PRDM5: variants seen among roughly 807,000 people sequenced by gnomAD.
PRDM5 encodes the protein PR domain zinc finger protein 5.
In PRDM5, 56 loss-of-function variants were observed where a neutral mutation model predicts 81.2. That is an observed-to-expected ratio of 0.69 (90% CI 0.56 to 0.86). The LOEUF (loss-of-function observed/expected upper bound fraction) is 0.86, where lower values mean the gene tolerates loss of function less well. Ranked by LOEUF, PRDM5 falls within the 40% of genes least tolerant of loss-of-function variation. PRDM5 has a pLI of 0.00. For missense variants in PRDM5, 697 were observed against 770.1 expected (o/e 0.91, Z 1.12); for synonymous variants, 267 against 256.4 (o/e 1.04, Z -0.39).
At chr4:120,766,448 G>C (rs1210538120) in intron 13 of PRDM5, among the ~76,000 whole-genome samples, 1 of 152,106 alleles carries the variant, frequency 6.6e-6, no homozygotes, top group Non-Finnish European at 1.5e-5. Flanking sequence ...CTAATTTTAC[G>C]GTAGCAAAGT....
At chr4:120,815,632 T>A (rs1754385089) in intron 7 of PRDM5, among the ~76,000 whole-genome samples, 1 of 152,174 alleles carries the variant, frequency 6.6e-6, no homozygotes. Flanking sequence ...GAAATCCACT[T>A]TCCCCCACAT....
At chr4:120,900,083 C>T (rs934421423) in intron 2 of PRDM5, among the ~76,000 whole-genome samples, 12 of 152,178 alleles carry the variant, frequency 7.9e-5, no homozygotes, top group Admixed American at 6.5e-4. Context: ...GGGTGCACCA[C>T]CCTCCAGAAA....
At chr4:120,711,175 C>T (rs970623115) in intron 14 of PRDM5, among the ~76,000 whole-genome samples, 10 of 152,028 alleles carry the variant, frequency 6.6e-5, no homozygotes, top group Non-Finnish European at 1.5e-4. Flanking sequence ...GTTTGAGAAC[C>T]CTTGATCTAG....
intron 5 of PRDM5, among the ~76,000 whole-genome samples, chr4:120,817,286 T>G (rs576117653): frequency 1.3e-5 from 2 of 152,286 alleles, no homozygotes; most frequent in African/African-American, 4.8e-5. Context: ...TTAAGCACAA[T>G]TTTCATCTCA....
chr4:120,749,437 T>A (rs1022691480), intron 14 of PRDM5, among the ~76,000 whole-genome samples: 4 of 152,060 alleles, frequency 2.6e-5, no homozygotes, highest in African/African-American at 9.7e-5. Flanking sequence ...CAGGATACCT[T>A]AGAGAGCCCC....
chr4:120,842,629 C>T (rs1056782346), intron 3 of PRDM5, among the ~76,000 whole-genome samples: 8 of 152,140 alleles, frequency 5.3e-5, no homozygotes, highest in African/African-American at 1.9e-4. Context: ...GATTTCAATT[C>T]TAGGAGTCTT....
chr4:120,719,848 T>C (rs1738326556), intron 14 of PRDM5, among the ~76,000 whole-genome samples: 1 of 152,218 alleles, frequency 6.6e-6, no homozygotes, highest in African/African-American at 2.4e-5. Flanking sequence ...CATGCTATTC[T>C]AAAACTTAAA....
chr4:120,766,980 T>C (rs1746474664), intron 13 of PRDM5, among the ~76,000 whole-genome samples: 2 of 152,086 alleles, frequency 1.3e-5, no homozygotes, highest in Non-Finnish European at 2.9e-5. Flanking sequence ...CAAAGTCTTG[T>C]CAGACTACAG....
At chr4:120,861,972 C>A (rs890246077) in intron 2 of PRDM5, among the ~76,000 whole-genome samples, 6 of 152,108 alleles carry the variant, frequency 3.9e-5, no homozygotes, top group Non-Finnish European at 8.8e-5. Context: ...AATTCCTCTC[C>A]TAACTGCATA....
At chr4:120,724,965 C>G (rs1341247658) in intron 14 of PRDM5, among the ~76,000 whole-genome samples, 2 of 152,148 alleles carry the variant, frequency 1.3e-5, no homozygotes, top group Non-Finnish European at 2.9e-5. Context: ...CTGCCCCAGT[C>G]AAACTTAAAA....
chr4:120,912,851 G>C (rs952851485), intron 1 of PRDM5, among the ~76,000 whole-genome samples: 3 of 152,156 alleles, frequency 2.0e-5, no homozygotes, highest in African/African-American at 7.2e-5. Context: ...ATTTATATTT[G>C]AAATAATGAT....
At chr4:120,778,774 AT>A (rs1748569559) in intron 12 of PRDM5, among the ~76,000 whole-genome samples, 1 of 152,070 alleles carries the variant, frequency 6.6e-6, no homozygotes, top group Admixed American at 6.6e-5. Flanking sequence ...TTAACTTTCC[AT>A]TTTTACTACA....
chr4:120,796,718 T>C (rs1751398380), intron 10 of PRDM5, among the ~76,000 whole-genome samples: 1 of 152,192 alleles, frequency 6.6e-6, no homozygotes, highest in African/African-American at 2.4e-5. Context: ...GTTTATTCTT[T>C]GGTAAATCTG....
intron 14 of PRDM5, among the ~76,000 whole-genome samples, chr4:120,742,914 A>T (rs867420868): frequency 1.3e-5 from 2 of 152,284 alleles, no homozygotes; most frequent in South Asian, 4.1e-4. Context: ...GTTCAGGTTC[A>T]GGAAATACAG....
At chr4:120,711,715 T>C (rs972160577) in intron 14 of PRDM5, among the ~76,000 whole-genome samples, 2 of 152,234 alleles carry the variant, frequency 1.3e-5, no homozygotes, top group African/African-American at 2.4e-5. Flanking sequence ...AAAGAAAACT[T>C]AAGGCAAAGA....
intron 3 of PRDM5, among the ~76,000 whole-genome samples, chr4:120,849,450 C>A (rs1421296724): frequency 1.3e-5 from 2 of 152,136 alleles, no homozygotes; most frequent in East Asian, 1.9e-4. Flanking sequence ...TATCTTGGCT[C>A]AATACCCAGT....
chr4:120,886,832 T>C (rs755228566), intron 2 of PRDM5, among the ~76,000 whole-genome samples: 22 of 152,130 alleles, frequency 1.4e-4, no homozygotes, highest in Non-Finnish European at 5.9e-5. Context: ...CTACCCCACC[T>C]TGTCATCCCT....
intron 11 of PRDM5, among the ~76,000 whole-genome samples, chr4:120,781,620 T>C (rs1039677693): frequency 6.6e-6 from 1 of 152,152 alleles, no homozygotes; most frequent in Non-Finnish European, 1.5e-5. Context: ...TTGAGGTAAA[T>C]AGACTCCAGT....
chr4:120,752,431 G>C lies in PRDM5; in HGVS notation c.1623+2122C>G, dbSNP rs529197728. On this transcript the variant is annotated intron_variant, in intron 14 of 15. Coordinates refer to ENST00000264808, the MANE Select transcript of PRDM5 (RefSeq NM_018699.4). ...CCTGCCTAAAATCCTGGGTGCTTCT[G>C]GTCTATAAACTCTCTTGAGTTCCCT... is the stretch of plus-strand genomic sequence containing the variant. Among the ~76,000 whole-genome samples the C allele has an allele frequency of 1.3e-3, 205 of 152,216 alleles. 1 individual carries two copies. Among genetic ancestry groups the C allele is most frequent in the African/African-American group, 4.7e-3 (195 of 41,520 alleles).
Sources: gnomAD v4.1 joint callset for allele counts (sites outside exome capture counted in the v4.1 genomes callset) on GRCh38, gnomAD v4.1.1 for gene constraint, MANE v1.5 for transcripts, NCBI Gene and HGNC (gene_info 2026-07-23, HGNC 2026-07-21) for gene names.